The following UBQLN4 variants were observed in gnomAD, a reference collection of about 807,000 sequenced individuals.
UBQLN4 encodes ubiquilin-4.
In UBQLN4, 11 loss-of-function variants were observed where a neutral mutation model predicts 60.4. The ratio of observed to expected loss-of-function variants is 0.18; its 90% CI spans 0.11 to 0.30. The LOEUF (loss-of-function observed/expected upper bound fraction) is 0.30. UBQLN4 is among the 10% of genes least tolerant of loss of function. The probability of loss-of-function intolerance (pLI) is 1.00; values close to 1 mark genes in which losing one functional copy is unlikely to be tolerated. For missense variants in UBQLN4, 417 were observed against 795.5 expected (o/e 0.52, Z 5.72); for synonymous variants, 258 against 313.1 (o/e 0.82, Z 1.86).
chr1:156,048,446 G>A lies in UBQLN4; in HGVS notation c.900+55C>T, dbSNP rs568094316. On this transcript the variant is annotated intron_variant, in intron 5 of 10. Coordinates refer to ENST00000368309, the MANE Select transcript of UBQLN4 (RefSeq NM_020131.5). This position sits in a 1 kb window ranked among gnomAD's most constrained non-coding sequence, Gnocchi z 4.9. ...AGGCCCAGGTTTGCCTGGGGTGGGG[G>A]TAGGGAATCTCGAGCCCAGACAGCC... is the stretch of plus-strand genomic sequence containing the variant. The A allele has an allele frequency of 3.2e-6, 5 of 1,556,200 alleles. No homozygotes were observed. The highest frequency in any genetic ancestry group is 2.7e-5 in the African/African-American group (2 of 73,602).
chr1:156,049,408 A>C (rs1683801967), intron 4 of UBQLN4, among the ~76,000 whole-genome samples: 1 of 152,210 alleles, frequency 6.6e-6, no homozygotes, highest in Non-Finnish European at 1.5e-5. Context: ...CAATGGCACA[A>C]TCTCAATAAG....
Position 156,050,002 on chromosome 1 carries a change from G to C in UBQLN4, c.741+289C>G, listed in dbSNP as rs1683825868. On this transcript the variant is annotated intron_variant, in intron 4 of 10. Transcript: ENST00000368309. This position sits in a 1 kb window ranked among gnomAD's most constrained non-coding sequence, Gnocchi z 4.6. Reference sequence around the variant, plus strand: ...TGACATTTCTTAAGGCCTCCTCTAAGCCTTAGGGTAGGGTCAGGAGCTCTT... The same window carrying C: ...TGACATTTCTTAAGGCCTCCTCTAACCCTTAGGGTAGGGTCAGGAGCTCTT... 6.6e-6 allele frequency among the ~76,000 whole-genome samples: 1 copy of C among 152,186 alleles called. No individual in the cohort carries two copies. The highest frequency in any genetic ancestry group is 1.5e-5 in the Non-Finnish European group (1 of 68,044).
In UBQLN4 at chr1:156,050,439, TG is replaced by T; in HGVS notation, c.592del (p.Gln198ArgfsTer11). 2 of 1,614,028 alleles carry T rather than the reference TG, an allele frequency of 1.2e-6. No homozygotes were observed. Among genetic ancestry groups the T allele is most frequent in the Non-Finnish European group, 1.7e-6 (2 of 1,180,024 alleles). ...QLMSNPEMLSQIMENPLVQDM... is the reference protein window; with the variant it reads ...QLMSNPEMLSXIMENPLVQDM... ...CTGGACCAGGGGGTTCTCCATGATCTGTGACAGCATCTCAGGATTGGACATC... is the reference window on the plus strand; with the variant it reads ...CTGGACCAGGGGGTTCTCCATGATCTTGACAGCATCTCAGGATTGGACATC... On this transcript the variant is annotated frameshift_variant, in exon 4 of 11. Transcript: ENST00000368309. LOFTEE classifies it high-confidence loss of function. This position sits in a 1 kb window ranked among gnomAD's most constrained non-coding sequence, Gnocchi z 4.6.
chr1:156,041,658 C>T lies in UBQLN4; in HGVS notation c.1480G>A (p.Gly494Arg). The change falls in exon 10 of 11, where the codon GGG becomes AGG. Residue 494 changes from glycine to arginine, a missense_variant. Physicochemically the swap from Gly to Arg is moderately radical, Grantham distance 125. Coordinates refer to ENST00000368309, the MANE Select transcript of UBQLN4 (RefSeq NM_020131.5). Reference sequence around the variant, plus strand: ...GAGGGTGCTGGGGTCCGGGATATCCCAAAGGAGCCAAGGCTGTAGGCAAGA... The same window carrying T: ...GAGGGTGCTGGGGTCCGGGATATCCTAAAGGAGCCAAGGCTGTAGGCAAGA... ...PGLVPSLGSFGISRTPAPSAG... is the reference protein window; with the variant it reads ...PGLVPSLGSFRISRTPAPSAG... 2 of 1,558,384 alleles carry T rather than the reference C, an allele frequency of 1.3e-6. No individual in the cohort carries two copies. The highest frequency in any genetic ancestry group is 1.7e-6 in the Non-Finnish European group (2 of 1,152,394).
intron 5 of UBQLN4, among the ~76,000 whole-genome samples, chr1:156,046,330 A>C (rs1431072420): frequency 3.5e-5 from 3 of 85,604 alleles, no homozygotes; most frequent in Admixed American, 3.2e-4. Flanking sequence ...TCTACTAATA[A>C]TACAAAAAAA....
In UBQLN4 at chr1:156,041,607, G is replaced by A; in HGVS notation, c.1531C>T (p.Pro511Ser). The change falls in exon 10 of 11, where the codon CCC becomes TCC. Residue 511 changes from proline to serine, a missense_variant. Transcript: ENST00000368309. ...GCTGGTGAGGAAGTGGGGGCCTCGG[G>A]CGTAGACCCTGCGTTGCTGCCTGCT... ...PSAGSNAGST[P>S]EAPTSSPATP... 6.2e-7 allele frequency: 1 copy of A among 1,610,780 alleles called. No homozygotes were observed. The highest frequency in any genetic ancestry group is 8.5e-7 in the Non-Finnish European group (1 of 1,178,538).
chr1:156,042,745 A>G (rs753013895), intron 7 of UBQLN4, 29 bp downstream of exon 7: 2 of 1,609,884 alleles, frequency 1.2e-6, no homozygotes, highest in African/African-American at 2.7e-5. Context: ...TCTCTCCCCA[A>G]CAATACTCTC....
intron 7 of UBQLN4, 159 bp downstream of exon 7, chr1:156,042,615 G>C: frequency 3.4e-6 from 4 of 1,184,232 alleles, no homozygotes; most frequent in Non-Finnish European, 4.6e-6. Context: ...AAGAAACTGG[G>C]AGGCTAAATA....
intron 10 of UBQLN4, among the ~76,000 whole-genome samples, chr1:156,038,626 C>T (rs1024878239): frequency 6.6e-6 from 1 of 151,866 alleles, no homozygotes; most frequent in African/African-American, 2.4e-5. Flanking sequence ...CATAACACTC[C>T]AGCATGGGGG....
rs1304397047 is a variant in UBQLN4, at chr1:156,037,062, A to C, written c.1722T>G (p.Arg574=). ...CAATCAGGGCCTGCAGGTTAGCCTCACGATTGATGAAGCCCATGGAGTTGA... is the reference window on the plus strand; with the variant it reads ...CAATCAGGGCCTGCAGGTTAGCCTCCCGATTGATGAAGCCCATGGAGTTGA... ...EQLNSMGFIN[R]EANLQALIAT... is the part of the protein sequence containing the mutation. Residue 574 remains arginine, a synonymous_variant, in exon 11 of 11, where the codon CGT becomes CGG. Transcript: ENST00000368309. 3 of 1,614,220 alleles carry C rather than the reference A, an allele frequency of 1.9e-6. No individual in the cohort carries two copies. Among genetic ancestry groups the C allele is most frequent in the Admixed American group, 1.7e-5 (1 of 60,020 alleles).
intron 5 of UBQLN4, among the ~76,000 whole-genome samples, chr1:156,044,834 C>A (rs892662122): frequency 6.6e-6 from 1 of 152,116 alleles, no homozygotes; most frequent in African/African-American, 2.4e-5. Context: ...GCAGAACACA[C>A]CTCCAGCAGA....
chr1:156,044,019 T>C lies in UBQLN4; in HGVS notation c.1105A>G (p.Asn369Asp), dbSNP rs1683635138. ...ATACCTGACCCCAGGCTAGCCGCAT[T>C]GATCCCAAAGGGGTTCGAGACTGTC... ...HPTVSNPFGI[N>D]AASLGSGMFN... The change falls in exon 6 of 11, where the codon AAT (asparagine) becomes GAT (aspartate). Residue 369 changes from asparagine (N) to aspartate (D), a missense_variant. Asn to Asp is a conservative substitution (Grantham distance 23). Transcript: ENST00000368309. The C allele has an allele frequency of 8.1e-6, 13 of 1,613,314 alleles. No homozygotes were observed. The highest frequency in any genetic ancestry group is 1.0e-5 in the Non-Finnish European group (12 of 1,179,492).
chr1:156,051,226 G>T lies in UBQLN4; in HGVS notation c.362C>A (p.Pro121His). The T allele has an allele frequency of 6.2e-7, 1 of 1,607,160 alleles. No homozygotes were observed. Among genetic ancestry groups the T allele is most frequent in the Non-Finnish European group, 8.5e-7 (1 of 1,176,630 alleles). Residue 121 changes from proline (P) to histidine (H), a missense_variant, in exon 3 of 11, where the codon CCC (proline) becomes CAC (histidine). Physicochemically the swap from Pro to His is moderately conservative, Grantham distance 77. Coordinates refer to ENST00000368309, the MANE Select transcript of UBQLN4 (RefSeq NM_020131.5). Reference protein sequence around the residue: ...TPASPATPAQPSTSGSASSDA... With the variant: ...TPASPATPAQHSTSGSASSDA... ...TGAAGAGGCACTGCCAGAGGTGGAGGGCTGGGCAGGGGTGGCGGGTGAAGC... is the reference window on the plus strand; with the variant it reads ...TGAAGAGGCACTGCCAGAGGTGGAGTGCTGGGCAGGGGTGGCGGGTGAAGC...
downstream of UBQLN4, chr1:156,033,212 T>C: frequency 1.0e-6 from 1 of 985,448 alleles, no homozygotes; most frequent in Non-Finnish European, 1.2e-6. Context: ...CGGGTGAGAC[T>C]GACTCAGCTG....
intron 5 of UBQLN4, among the ~76,000 whole-genome samples, chr1:156,046,187 TAA>T (rs1273654388): frequency 6.6e-6 from 1 of 151,928 alleles, no homozygotes; most frequent in African/African-American, 2.4e-5. Context: ...ACAAATATTT[TAA>T]AAGTTTGTCA....
At chr1:156,044,291 C>T in intron 5 of UBQLN4, 68 bp from the exon 6 acceptor site, 2 of 1,379,912 alleles carry the variant, frequency 1.4e-6, no homozygotes, top group Non-Finnish European at 2.0e-6. Flanking sequence ...GGCCCATTCT[C>T]TCCTCTCACT....
chr1:156,042,088 C>T (rs1683582838), intron 8 of UBQLN4, 65 bp downstream of exon 8: 1 of 1,610,088 alleles, frequency 6.2e-7, no homozygotes. Flanking sequence ...ACTTCATTTC[C>T]ACCCATTGGG....
At position 156,036,076 on chromosome 1, in the gene UBQLN4, A is replaced by G. The variant is rs1683394121; in HGVS notation, c.*902T>C. The G allele has an allele frequency of 2.0e-6, 2 of 985,472 alleles. No homozygotes were observed. Among genetic ancestry groups the G allele is most frequent in the Non-Finnish European group, 1.2e-6 (1 of 829,950 alleles). The allele number at this position is 985,472 out of a possible 1,614,324, so 61.0% of individuals were successfully genotyped here. On this transcript the variant is annotated 3_prime_UTR_variant, in exon 11 of 11. Coordinates refer to ENST00000368309, the MANE Select transcript of UBQLN4 (RefSeq NM_020131.5). ...ACATATGCTTGAGGAACTAAAGCCA[A>G]TATGACCCCTTGTGGGGCGTGGCGC...
At chr1:156,037,499 G>T (rs1195289174) in intron 10 of UBQLN4, among the ~76,000 whole-genome samples, 1 of 152,214 alleles carries the variant, frequency 6.6e-6, no homozygotes, top group Non-Finnish European at 1.5e-5. Flanking sequence ...AGGAGGCTGA[G>T]GCAGGAGAAT....
Sources: gnomAD v4.1 joint callset for allele counts (sites outside exome capture counted in the v4.1 genomes callset) on GRCh38, gnomAD v4.1.1 for gene constraint, Gnocchi (gnomAD v3.1) non-coding constraint, MANE v1.5 for transcripts, NCBI Gene and HGNC (gene_info 2026-07-23, HGNC 2026-07-21) for gene names.